FBXO11: variants seen among roughly 807,000 people sequenced by gnomAD.
FBXO11 encodes the protein F-box only protein 11.
FBXO11 carries 13 observed loss-of-function variants against 117.0 expected under a neutral mutation model. The observed-to-expected ratio is 0.11, with a 90% confidence interval of 0.07 to 0.18. The LOEUF (loss-of-function observed/expected upper bound fraction) is 0.18, where lower values mean the gene tolerates loss of function less well. Among genes scored for constraint, FBXO11 ranks in the 10% least tolerant of loss-of-function variants. The pLI is 1.00. For synonymous variants in FBXO11, 490 were observed against 380.5 expected (o/e 1.29, Z -3.35); for missense variants, 767 against 1,164.4 (o/e 0.66, Z 4.97).
chr2:47,867,195 C>A (rs1395111333), intron 1 of FBXO11, among the ~76,000 whole-genome samples: 2 of 152,276 alleles, frequency 1.3e-5, no homozygotes, highest in Admixed American at 6.5e-5. Flanking sequence ...AGTAACAAAT[C>A]CCGAAAATCT....
chr2:47,813,147 C>T, intron 18 of FBXO11, 87 bp downstream of exon 18: 1 of 1,314,626 alleles, frequency 7.6e-7, no homozygotes, highest in Admixed American at 1.7e-5. Flanking sequence ...TCATTTATAA[C>T]TTAGTTAGCA....
At chr2:47,827,767 G>C (rs115662282) in intron 11 of FBXO11, among the ~76,000 whole-genome samples, 3,249 of 151,706 alleles carry the variant, frequency 0.021, 66 homozygotes, top group Admixed American at 0.069. Context: ...TATGATCTTG[G>C]TTCATTGCAA....
intron 4 of FBXO11, 37 bp from the exon 5 acceptor site, chr2:47,836,038 A>G (rs756031753): frequency 1.3e-6 from 2 of 1,494,208 alleles, no homozygotes; most frequent in African/African-American, 2.8e-5. Flanking sequence ...TCTTGATAAA[A>G]TGTCCTTTAG....
At chr2:47,849,406 T>TA in intron 1 of FBXO11, among the ~76,000 whole-genome samples, 1 of 152,228 alleles carries the variant, frequency 6.6e-6, no homozygotes, top group Non-Finnish European at 1.5e-5. Flanking sequence ...CATACGTTCT[T>TA]ACACTGAATT....
At position 47,831,175 on chromosome 2, in the gene FBXO11, G is replaced by A. The variant is rs564646029; in HGVS notation, c.1398+1174C>T. ...CTCATGCCTGTAATCCCAGGACTTT[G>A]GGAGGCCGAGGCAGGTGAATCACTT... On this transcript the variant is annotated intron_variant, in intron 11 of 22. Transcript: ENST00000403359. Among the ~76,000 whole-genome samples, 564 of 151,930 alleles carry A rather than the reference G, an allele frequency of 3.7e-3. 5 individuals are homozygous for A. The highest frequency in any genetic ancestry group is 0.013 in the African/African-American group (534 of 41,496).
chr2:47,865,749 A>T (rs1467204277), intron 1 of FBXO11: 1 of 152,222 alleles, frequency 6.6e-6, no homozygotes, highest in South Asian at 2.1e-4. Flanking sequence ...GGATATTATT[A>T]GAGTCAACAA....
chr2:47,896,424 G>A (rs1197381151), intron 1 of FBXO11, among the ~76,000 whole-genome samples: 1 of 151,438 alleles, frequency 6.6e-6, no homozygotes, highest in Admixed American at 6.6e-5. Flanking sequence ...TGACCTCCCT[G>A]GCTCAGATGA....
chr2:47,822,669 C>T (rs1311665840), intron 12 of FBXO11, among the ~76,000 whole-genome samples: 1 of 152,042 alleles, frequency 6.6e-6, no homozygotes, highest in African/African-American at 2.4e-5. Context: ...ATTATAATAC[C>T]TTTGGTTCTA....
intron 21 of FBXO11, chr2:47,808,934 T>C (rs1670420718): frequency 2.5e-6 from 1 of 399,636 alleles, no homozygotes; most frequent in South Asian, 4.1e-5. Flanking sequence ...TGGGCTCCAG[T>C]GATCCTCCCA....
In FBXO11 at chr2:47,839,435, T is replaced by A; in HGVS notation, c.426A>T (p.Lys142Asn). 1 of 1,613,130 alleles carries A rather than the reference T, an allele frequency of 6.2e-7. No homozygotes were observed. The highest frequency in any genetic ancestry group is 8.5e-7 in the Non-Finnish European group (1 of 1,179,790). The part of the protein sequence containing the change: ...HRAKRARVSG[K>N]SQDLSAAPAE... ...AGGAAATACCTGATAGATCTTGTGA[T>A]TTTCCAGACACTCTTGCACGTTTTG... Residue 142 changes from lysine to asparagine, a missense_variant, in exon 3 of 23, where the codon AAA (lysine) becomes AAT (asparagine). Lys to Asn is a moderately conservative substitution (Grantham distance 94). Around this residue, in one of 10 missense-constraint regions of FBXO11, gnomAD observed 355 missense variants for 299.8 expected, o/e 1.18. Coordinates refer to ENST00000403359, the MANE Select transcript of FBXO11 (RefSeq NM_001190274.2).
chr2:47,830,378 T>TA (rs549022523), intron 11 of FBXO11, among the ~76,000 whole-genome samples: 475 of 151,574 alleles, frequency 3.1e-3, no homozygotes, highest in Non-Finnish European at 5.6e-3. Flanking sequence ...AGGCGTTCTT[T>TA]AAAAAAAACA....
chr2:47,811,089 G>C (rs1193497505), intron 18 of FBXO11: 1 of 152,158 alleles, frequency 6.6e-6, no homozygotes, highest in African/African-American at 2.4e-5. Flanking sequence ...GGATGAGTGG[G>C]AAAAATCTGA....
chr2:47,818,086 G>C (rs1173858598), intron 16 of FBXO11, among the ~76,000 whole-genome samples: 1 of 152,216 alleles, frequency 6.6e-6, no homozygotes, highest in Non-Finnish European at 1.5e-5. Flanking sequence ...TTGCACTCCA[G>C]CCTGGGCAAC....
intron 1 of FBXO11, among the ~76,000 whole-genome samples, chr2:47,848,280 A>T (rs1227240402): frequency 6.6e-6 from 1 of 152,218 alleles, no homozygotes; most frequent in East Asian, 1.9e-4. Flanking sequence ...CGACCAAGCA[A>T]TACTGCCTGA....
rs190586276 is a variant in FBXO11 at position 47,840,800 on chromosome 2, A to T, written c.233-1031T>A. On this transcript the variant is annotated intron_variant, in intron 1 of 22. Coordinates refer to ENST00000403359, the MANE Select transcript of FBXO11 (RefSeq NM_001190274.2). The stretch of plus-strand genomic sequence containing the variant: ...GGTGACAGAGCAAGACCCTGTCTCA[A>T]AATCAGTCAGTCAATCCATCCATCT... Among the ~76,000 whole-genome samples the T allele has an allele frequency of 6.0e-5, 9 of 151,120 alleles. No individual in the cohort carries two copies. In the East Asian group the frequency reaches 1.8e-3, roughly 30 times the overall value.
chr2:47,834,582 C>T lies in FBXO11; in HGVS notation c.931G>A (p.Ala311Thr). 1.3e-6 allele frequency: 2 copies of T among 1,565,796 alleles called. No individual in the cohort carries two copies. The highest frequency in any genetic ancestry group is 1.2e-5 in the South Asian group (1 of 82,012). ...ATGACAATGCATTTCAAAATACCTG[C>T]ACCAATCATGGTGATTGGAGATTCA... is the stretch of plus-strand genomic sequence containing the variant. ...YIESPITMIG[A>T]APGKVADKVI... Residue 311 changes from alanine to threonine, a missense_variant, in exon 7 of 23, where the codon GCA becomes ACA. Around this residue, in one of 10 missense-constraint regions of FBXO11, gnomAD observed 123 missense variants for 145.0 expected, o/e 0.85. Coordinates refer to ENST00000403359, the MANE Select transcript of FBXO11 (RefSeq NM_001190274.2).
chr2:47,837,020 G>C (rs1672633836), intron 4 of FBXO11: 1 of 263,198 alleles, frequency 3.8e-6, no homozygotes, highest in Non-Finnish European at 7.6e-6. Flanking sequence ...TTATAGGCGT[G>C]AGCCACTTCG....
intron 1 of FBXO11, among the ~76,000 whole-genome samples, chr2:47,858,128 C>T (rs1408386458): frequency 3.3e-5 from 5 of 151,686 alleles, no homozygotes; most frequent in East Asian, 3.9e-4. Flanking sequence ...TTTTTTGAGG[C>T]GGAGCCTCAC....
At chr2:47,837,347 T>C (rs1333654119) in intron 4 of FBXO11, among the ~76,000 whole-genome samples, 1 of 152,114 alleles carries the variant, frequency 6.6e-6, no homozygotes, top group African/African-American at 2.4e-5. Context: ...GCCAACATGG[T>C]GAAACCCTGT....
Sources: gnomAD v4.1 joint callset for allele counts (sites outside exome capture counted in the v4.1 genomes callset) on GRCh38, gnomAD v4.1.1 for gene constraint, gnomAD v4.1.1 regional missense constraint, MANE v1.5 for transcripts, NCBI Gene and HGNC (gene_info 2026-07-23, HGNC 2026-07-21) for gene names.